Variants in DACH2 observed in about 807,000 individuals in gnomAD.
The protein encoded by DACH2 is dachshund homolog 2.
DACH2 carries 17 observed loss-of-function variants against 35.8 expected under a neutral mutation model. That is an observed-to-expected ratio of 0.48 (90% CI 0.33 to 0.71). DACH2 has a LOEUF of 0.71. Among genes scored for constraint, DACH2 ranks in the 30% least tolerant of loss-of-function variants. The pLI is 0.02. For synonymous variants in DACH2, 195 were observed against 177.3 expected, an observed-to-expected ratio of 1.10 and a Z score of -0.79; for missense variants, 469 against 472.7, an observed-to-expected ratio of 0.99 and a Z score of 0.07.
rs187490837 is a variant in DACH2, at chrX:86,602,864, T to G, written c.641-48172T>G. On this transcript the variant is annotated intron_variant, in intron 3 of 11. Coordinates refer to ENST00000373125, the MANE Select transcript of DACH2 (RefSeq NM_053281.3). ...AATTAACAAGTTTTAAAGATGTTGT[T>G]TTTTCATATTATTTAAGAAATCTTT... is the stretch of plus-strand genomic sequence containing the variant. Among the ~76,000 whole-genome samples, 761 of 111,482 alleles carry G rather than the reference T, an allele frequency of 6.8e-3. 9 individuals are homozygous for G. The highest frequency in any genetic ancestry group is 0.024 in the African/African-American group (727 of 30,770).
intron 1 of DACH2, among the ~76,000 whole-genome samples, chrX:86,291,099 T>C (rs1445178446): frequency 1.9e-5 from 2 of 103,203 alleles, no homozygotes; most frequent in Admixed American, 2.1e-4. Flanking sequence ...TTTTATTTCC[T>C]TGAGCAGTGG....
chrX:86,209,921 A>G (rs1212726006), intron 1 of DACH2, among the ~76,000 whole-genome samples: 2 of 112,048 alleles, frequency 1.8e-5, no homozygotes, highest in African/African-American at 6.5e-5. Flanking sequence ...AGATGATCTC[A>G]GCATTCACCA....
rs759652630 is a variant in DACH2 at position 86,357,495 on chromosome X, T to C, written c.489-19329T>C. On this transcript the variant is annotated intron_variant, in intron 1 of 11. Transcript: ENST00000373125. Reference sequence around the variant, plus strand: ...AAAACATAAGAAACATAGAGATAAATGTATTCCTTACATAAGCTAGTGTAA... The same window carrying C: ...AAAACATAAGAAACATAGAGATAAACGTATTCCTTACATAAGCTAGTGTAA... Among the ~76,000 whole-genome samples, 6 of 112,232 alleles carry C rather than the reference T, an allele frequency of 5.3e-5. No homozygotes were observed. In the East Asian group the frequency reaches 1.7e-3, roughly 32 times the overall value.
At chrX:86,570,744 G>T (rs935262260) in intron 3 of DACH2, among the ~76,000 whole-genome samples, 1 of 110,539 alleles carries the variant, frequency 9.0e-6, no homozygotes. Flanking sequence ...AAAAAAAAAA[G>T]TCTGTTTAAA....
At chrX:86,334,692 C>T (rs1035821474) in intron 1 of DACH2, among the ~76,000 whole-genome samples, 5 of 111,856 alleles carry the variant, frequency 4.5e-5, no homozygotes, top group Non-Finnish European at 1.9e-5. Context: ...CAAACGTCTT[C>T]TCCCATTCTG....
intron 1 of DACH2, among the ~76,000 whole-genome samples, chrX:86,360,491 G>T (rs188769834): frequency 9.0e-6 from 1 of 111,358 alleles, no homozygotes; most frequent in South Asian, 3.7e-4. Context: ...TAAGGTCATT[G>T]AATTTTTCAG....
At chrX:86,638,949 A>G (rs1007295540) in intron 3 of DACH2, among the ~76,000 whole-genome samples, 3 of 112,033 alleles carry the variant, frequency 2.7e-5, no homozygotes, top group Non-Finnish European at 3.8e-5. Context: ...TCAAAAATAT[A>G]CCTACACTTA....
intron 4 of DACH2, among the ~76,000 whole-genome samples, chrX:86,678,166 TTAAAA>T (rs2040842124): frequency 8.9e-6 from 1 of 112,360 alleles, no homozygotes; most frequent in Non-Finnish European, 1.9e-5. Flanking sequence ...TCACACCAAC[TTAAAA>T]TAATACATTT....
At chrX:86,340,730 G>A (rs1189882287) in intron 1 of DACH2, among the ~76,000 whole-genome samples, 1 of 112,131 alleles carries the variant, frequency 8.9e-6, no homozygotes, top group African/African-American at 3.2e-5. Flanking sequence ...CAAAGGAAAT[G>A]TTCTTGAGGG....
chrX:86,532,957 A>G (rs1266721036), intron 3 of DACH2, among the ~76,000 whole-genome samples: 1 of 112,273 alleles, frequency 8.9e-6, no homozygotes, highest in Non-Finnish European at 1.9e-5. Flanking sequence ...TTTGGAATTT[A>G]TAACAAAAAC....
chrX:86,434,927 A>T (rs1418162354), intron 2 of DACH2, among the ~76,000 whole-genome samples: 1 of 110,535 alleles, frequency 9.0e-6, no homozygotes, highest in Non-Finnish European at 1.9e-5. Context: ...AACGTGAGAG[A>T]GATTGGGGTT....
Position 86,234,582 on chromosome X carries a change from T to A in DACH2, c.488+85474T>A, listed in dbSNP as rs974633497. On this transcript the variant is annotated intron_variant, in intron 1 of 11. Transcript: ENST00000373125. ...AATATGGTAAATTTCTTATAATTAA[T>A]GAGCTAATATTTCTACTTTATTTAT... Among the ~76,000 whole-genome samples the A allele has an allele frequency of 1.9e-4, 21 of 108,292 alleles. No homozygotes were observed. The Middle Eastern group carries it at 0.014, about 73-fold the overall frequency. 94.0% of individuals were successfully genotyped at this position (108,292 alleles called of 115,157 possible).
chrX:86,752,074 G>A (rs2041779541), intron 7 of DACH2, among the ~76,000 whole-genome samples: 1 of 111,189 alleles, frequency 9.0e-6, no homozygotes, highest in African/African-American at 3.3e-5. Context: ...CGAGGGACAG[G>A]GGGTGGGCAG....
At chrX:86,637,560 T>C (rs2040290446) in intron 3 of DACH2, among the ~76,000 whole-genome samples, 1 of 111,584 alleles carries the variant, frequency 9.0e-6, no homozygotes, top group Non-Finnish European at 1.9e-5. Flanking sequence ...AAGAACAAAA[T>C]CATGTTCTTT....
At chrX:86,690,419 A>G (rs1000757802) in intron 4 of DACH2, among the ~76,000 whole-genome samples, 11 of 111,619 alleles carry the variant, frequency 9.9e-5, no homozygotes, top group African/African-American at 3.6e-4. Context: ...TCCCACCCAT[A>G]ATATGCTCCT....
At chrX:86,695,608 C>T (rs1175091789) in intron 5 of DACH2, among the ~76,000 whole-genome samples, 1 of 108,755 alleles carries the variant, frequency 9.2e-6, no homozygotes, top group Non-Finnish European at 1.9e-5. Flanking sequence ...CCTCCTGGTT[C>T]AAGCAATTCT....
At chrX:86,382,060 G>C (rs1233561893) in intron 2 of DACH2, among the ~76,000 whole-genome samples, 1 of 110,940 alleles carries the variant, frequency 9.0e-6, no homozygotes, top group Non-Finnish European at 1.9e-5. Context: ...GATTCCAGCA[G>C]TACTTTTATG....
intron 7 of DACH2, among the ~76,000 whole-genome samples, chrX:86,778,084 G>A (rs1255914984): frequency 2.1e-4 from 23 of 111,727 alleles, no homozygotes; most frequent in Non-Finnish European, 9.4e-5. Context: ...ATTGTGAATA[G>A]TGCTGCAGCA....
At position 86,541,157 on chromosome X, in the gene DACH2, A is replaced by G. The variant is rs192049225; in HGVS notation, c.640+26766A>G. On this transcript the variant is annotated intron_variant, in intron 3 of 11. Transcript: ENST00000373125. ...TTGAAATCAATGTTACACTGAAGAC[A>G]TATCAGGTTCTCATTTCTATTCTAT... 1.7e-3 allele frequency among the ~76,000 whole-genome samples: 196 copies of G among 112,344 alleles called. 1 individual carries two copies. Among genetic ancestry groups the G allele is most frequent in the African/African-American group, 5.9e-3 (182 of 31,061 alleles).
Sources: gnomAD v4.1 joint callset for allele counts (sites outside exome capture counted in the v4.1 genomes callset) on GRCh38, gnomAD v4.1.1 for gene constraint, MANE v1.5 for transcripts, NCBI Gene and HGNC (gene_info 2026-07-23, HGNC 2026-07-21) for gene names.